Variants in MYH14 observed in about 807,000 individuals in gnomAD.
The protein encoded by MYH14 is myosin heavy chain 14, also known as myosin-14.
MYH14 carries 123 observed loss-of-function variants against 255.5 expected under a neutral mutation model. The observed-to-expected ratio is 0.48, with a 90% CI of 0.42 to 0.56. The LOEUF is 0.56. Among genes scored for constraint, MYH14 ranks in the 20% least tolerant of loss-of-function variants. The pLI, the probability that MYH14 is intolerant of heterozygous loss-of-function variation, is 0.00. For synonymous variants in MYH14, 1,095 were observed against 1,161.2 expected, an observed-to-expected ratio of 0.94 and a Z score of 1.16; for missense variants, 2,423 against 2,802.3, an observed-to-expected ratio of 0.86 and a Z score of 3.06.
rs2035095620 is a variant in MYH14, at chr19:50,266,735, G to C, written c.2695-142G>C. ...GTACCTGTCAGTGTTCTAGGCCTGT[G>C]ACCAGGGACTGTTGCCAAGGCGGGG... On this transcript the variant is annotated intron_variant, in intron 22 of 42. Transcript: ENST00000642316. This position sits in a 1 kb window ranked among gnomAD's most constrained non-coding sequence, Gnocchi z 4.1. The C allele has an allele frequency of 9.7e-7, 1 of 1,025,742 alleles. No individual in the cohort carries two copies. Among genetic ancestry groups the C allele is most frequent in the African/African-American group, 1.6e-5 (1 of 62,998 alleles). 63.5% of individuals were successfully genotyped at this position (1,025,742 alleles called of 1,614,324 possible).
intron 33 of MYH14, 193 bp from the exon 34 acceptor site, chr19:50,286,289 T>G (rs2035885384): frequency 1.7e-6 from 1 of 586,186 alleles, no homozygotes; most frequent in African/African-American, 1.9e-5. Flanking sequence ...CTGATCAGTT[T>G]GATCCATTCA....
chr19:50,242,092 A>G (rs965529305), intron 10 of MYH14, among the ~76,000 whole-genome samples: 1 of 152,212 alleles, frequency 6.6e-6, no homozygotes, highest in Admixed American at 6.5e-5. Context: ...TTCAGAAGCC[A>G]TGTGGGCTGT....
Position 50,268,180 on chromosome 19 carries a change from G to T in MYH14, c.2846G>T (p.Arg949Leu). The T allele has an allele frequency of 1.3e-6, 2 of 1,549,044 alleles. No individual in the cohort carries two copies. The highest frequency in any genetic ancestry group is 2.4e-5 in the East Asian group (1 of 41,024). Residue 949 changes from arginine (R) to leucine (L), a missense_variant, in exon 24 of 43, where the codon CGC (arginine) becomes CTC (leucine). Arg to Leu is a moderately radical substitution (Grantham distance 102, BLOSUM62 -2). Around this residue, in one of 3 missense-constraint regions of MYH14, gnomAD observed 1,513 missense variants for 1,674.8 expected, o/e 0.90. Coordinates refer to ENST00000642316, the MANE Select transcript of MYH14 (RefSeq NM_001145809.2). ...CCCCAGCTGGAAGAGGAGCGCGCCC[G>T]CCTGGCAGAGCAATTGCGAGCAGAG... ...RVAQLEEERA[R>L]LAEQLRAEAE...
Position 50,250,662 on chromosome 19 carries a change from T to C in MYH14, c.1804T>C (p.Phe602Leu). The C allele has an allele frequency of 6.2e-7, 1 of 1,613,808 alleles. No homozygotes were observed. Among genetic ancestry groups the C allele is most frequent in the Non-Finnish European group, 8.5e-7 (1 of 1,179,750 alleles). ...GAGGCACCTGCGGGATCAGGCCGACTTCAGTGTTCTCCACTACGCGGGCAA... is the reference window on the plus strand; with the variant it reads ...GAGGCACCTGCGGGATCAGGCCGACCTCAGTGTTCTCCACTACGCGGGCAA... ...RPRHLRDQAD[F>L]SVLHYAGKVD... Residue 602 changes from phenylalanine to leucine, a missense_variant, in exon 15 of 43, where the codon TTC becomes CTC. By Grantham distance (22) the Phe-to-Leu change is conservative (BLOSUM62 0). Transcript: ENST00000642316. The surrounding 1 kb of genome is among the most constrained non-coding windows in gnomAD (Gnocchi z 5.4).
intron 1 of MYH14, among the ~76,000 whole-genome samples, chr19:50,206,488 A>T (rs954786987): frequency 6.6e-6 from 1 of 151,922 alleles, no homozygotes; most frequent in Non-Finnish European, 1.5e-5. Context: ...GTCACACTGG[A>T]GATATGGGGT....
chr19:50,274,375 T>A (rs570132354), intron 27 of MYH14, among the ~76,000 whole-genome samples: 3 of 152,076 alleles, frequency 2.0e-5, no homozygotes, highest in Non-Finnish European at 4.4e-5. Context: ...CCTCACTACA[T>A]CCTCCGCCTC....
chr19:50,220,515 A>C (rs2032765389), intron 3 of MYH14, among the ~76,000 whole-genome samples: 1 of 151,480 alleles, frequency 6.6e-6, no homozygotes, highest in Non-Finnish European at 1.5e-5. Flanking sequence ...AACATATTAA[A>C]TTAAATGGTA....
rs776280390 is a variant in MYH14 at position 50,281,796 on chromosome 19, G to A, written c.4493G>A (p.Arg1498Gln). Residue 1498 changes from arginine to glutamine, a missense_variant, in exon 33 of 43, where the codon CGG becomes CAG. Coordinates refer to ENST00000642316, the MANE Select transcript of MYH14 (RefSeq NM_001145809.2). ...GCCACCATGGACCTGGAGCAGCAGC[G>A]GCAGCTTGTGAGCACCCTGGAGAAG... ...DDATMDLEQQ[R>Q]QLVSTLEKKQ... 6.8e-6 allele frequency: 11 copies of A among 1,612,602 alleles called. No individual in the cohort carries two copies. The highest frequency in any genetic ancestry group is 2.7e-5 in the African/African-American group (2 of 74,948).
rs536261599 is a variant in MYH14, at chr19:50,262,731, A to G, written c.2586-581A>G. On this transcript the variant is annotated intron_variant, in intron 21 of 42. Transcript: ENST00000642316. ...GGCTGATAGGAGAGGCTGGAGAAGG[A>G]GGCCAGGCAGAGGATCCAGGCAAGG... is the stretch of plus-strand genomic sequence containing the variant. 1.5e-3 allele frequency among the ~76,000 whole-genome samples: 224 copies of G among 152,128 alleles called. 6 individuals are homozygous for G. The highest frequency in any genetic ancestry group is 0.015 in the Admixed American group (223 of 15,226).
At chr19:50,268,806 C>T (rs2035191215) in intron 24 of MYH14, among the ~76,000 whole-genome samples, 1 of 152,194 alleles carries the variant, frequency 6.6e-6, no homozygotes, top group Admixed American at 6.5e-5. Flanking sequence ...ATGTCCTTAG[C>T]TTCAGGCATG....
chr19:50,229,829 G>A (rs745531294), intron 8 of MYH14, among the ~76,000 whole-genome samples: 8 of 152,086 alleles, frequency 5.3e-5, no homozygotes, highest in Non-Finnish European at 1.0e-4. Flanking sequence ...CTCACCTGCG[G>A]GTAACTTTGA....
intron 7 of MYH14, 43 bp downstream of exon 7, chr19:50,225,720 A>G (rs1332819552): frequency 2.0e-6 from 3 of 1,496,028 alleles, no homozygotes; most frequent in Middle Eastern, 3.4e-4. Context: ...TCAGGGATAC[A>G]GGAGCTGGGA....
intron 39 of MYH14, among the ~76,000 whole-genome samples, chr19:50,296,464 G>A (rs567806135): frequency 2.7e-4 from 41 of 152,216 alleles, no homozygotes; most frequent in Non-Finnish European, 5.0e-4. Flanking sequence ...AATTAGCCAG[G>A]TGCGATGGCG....
At chr19:50,249,528 T>C in intron 13 of MYH14, 122 bp from the exon 14 acceptor site, 1 of 1,062,802 alleles carries the variant, frequency 9.4e-7, no homozygotes, top group Non-Finnish European at 1.4e-6. Context: ...TCTGTCCCCC[T>C]CTCTCTGGGT....
intron 10 of MYH14, among the ~76,000 whole-genome samples, chr19:50,236,707 C>CA (rs199516933): frequency 0.013 from 1,933 of 147,882 alleles, 41 homozygotes; most frequent in African/African-American, 0.043. Context: ...GACTCCATCT[C>CA]AAAAAAAAAG....
At chr19:50,251,535 C>T (rs562633210) in intron 15 of MYH14, among the ~76,000 whole-genome samples, 10,451 of 63,190 alleles carry the variant, frequency 0.17, 544 homozygotes, top group Admixed American at 0.24. Context: ...CACACACACA[C>T]ACACACACAC....
intron 33 of MYH14, chr19:50,285,512 T>A (rs570163423): frequency 2.0e-5 from 3 of 152,374 alleles, no homozygotes; most frequent in Admixed American, 2.0e-4. Flanking sequence ...GTTGCTTTCA[T>A]TTCCATTTTT....
chr19:50,267,765 C>T (rs80153844), intron 23 of MYH14, among the ~76,000 whole-genome samples: 1,925 of 152,068 alleles, frequency 0.013, 21 homozygotes, highest in Non-Finnish European at 0.022. Context: ...AAAGACCCCT[C>T]GGGGGTTATT....
rs964774955 is a variant in MYH14 at position 50,221,008 on chromosome 19, T to A, written c.563-2075T>A. Among the ~76,000 whole-genome samples, 4 of 152,160 alleles carry A rather than the reference T, an allele frequency of 2.6e-5. No homozygotes were observed. The highest frequency in any genetic ancestry group is 4.4e-5 in the Non-Finnish European group (3 of 68,024). On this transcript the variant is annotated intron_variant, in intron 3 of 42. Transcript: ENST00000642316. The surrounding 1 kb of genome is among the most constrained non-coding windows in gnomAD (Gnocchi z 5.3). ...CCTCGTAGCAAATCTATGAAATAGG[T>A]TATCTCCTTGTCCCTGATTTCTGGG...
Sources: gnomAD v4.1 joint callset for allele counts (sites outside exome capture counted in the v4.1 genomes callset) on GRCh38, gnomAD v4.1.1 for gene constraint, gnomAD v4.1.1 regional missense constraint, Gnocchi (gnomAD v3.1) non-coding constraint, MANE v1.5 for transcripts, NCBI Gene and HGNC (gene_info 2026-07-23, HGNC 2026-07-21) for gene names.